The following GRIA3 variants were observed in gnomAD, a reference collection of about 807,000 sequenced individuals.
The protein encoded by GRIA3 is glutamate ionotropic receptor AMPA type subunit 3.
Under a neutral mutation model 63.0 loss-of-function variants are expected in GRIA3, and 3 were observed. The observed-to-expected ratio is 0.05, with a 90% CI of 0.02 to 0.12. The LOEUF (loss-of-function observed/expected upper bound fraction) is 0.12, where lower values mean the gene tolerates loss of function less well. GRIA3 is among the 10% of genes least tolerant of loss of function. The pLI is 1.00. For synonymous variants in GRIA3, 274 were observed against 257.9 expected (o/e 1.06, Z -0.60); for missense variants, 347 against 700.9 (o/e 0.50, Z 5.70).
chrX:123,366,491 G>T (rs927712757), intron 5 of GRIA3, among the ~76,000 whole-genome samples: 3 of 111,383 alleles, frequency 2.7e-5, no homozygotes, highest in Admixed American at 9.6e-5. Context: ...GTATGTCAAG[G>T]GCCATTTATA....
At chrX:123,245,094 C>G (rs894200987) in intron 2 of GRIA3, among the ~76,000 whole-genome samples, 2 of 111,870 alleles carry the variant, frequency 1.8e-5, no homozygotes, top group African/African-American at 3.3e-5. Context: ...GATACACGTA[C>G]CTTAGAGGCA....
At chrX:123,414,956 C>T (rs182608775) in intron 10 of GRIA3, among the ~76,000 whole-genome samples, 8 of 111,852 alleles carry the variant, frequency 7.2e-5, no homozygotes, top group African/African-American at 2.6e-4. Context: ...ATCACTGGGT[C>T]AAATGGTATT....
chrX:123,459,950 T>C (rs966924327), intron 12 of GRIA3, among the ~76,000 whole-genome samples: 2 of 111,664 alleles, frequency 1.8e-5, no homozygotes, highest in African/African-American at 6.5e-5. Flanking sequence ...TACTTATGAG[T>C]CATTTCTTTT....
At chrX:123,187,242 CT>C (rs1489513259) in intron 2 of GRIA3, among the ~76,000 whole-genome samples, 4 of 111,759 alleles carry the variant, frequency 3.6e-5, no homozygotes, top group Non-Finnish European at 5.6e-5. Flanking sequence ...GCACAGGTTT[CT>C]TGGCTTTGAA....
At chrX:123,407,690 G>GT (rs1569431868) in intron 10 of GRIA3, among the ~76,000 whole-genome samples, 1 of 72,864 alleles carries the variant, frequency 1.4e-5, no homozygotes, top group East Asian at 4.5e-4. Context: ...TGACTTGGTT[G>GT]CGGGGGGGGG....
At chrX:123,455,926 T>C (rs1464451674) in intron 12 of GRIA3, among the ~76,000 whole-genome samples, 1 of 111,832 alleles carries the variant, frequency 8.9e-6, no homozygotes, top group Non-Finnish European at 1.9e-5. Context: ...TGGCAAATCT[T>C]TGAATTTCTG....
In GRIA3 at chrX:123,304,380, T is replaced by C. The variant is rs113891832; in HGVS notation, c.509-21646T>C. On this transcript the variant is annotated intron_variant, in intron 3 of 15. Coordinates refer to ENST00000620443, the MANE Select transcript of GRIA3 (RefSeq NM_007325.5). ...ACATCTGTAAAATCAAAAGATTAAA[T>C]TAGATGATATCTAAGGTCCCTTTCA... is the stretch of plus-strand genomic sequence containing the variant. 3.1e-3 allele frequency among the ~76,000 whole-genome samples: 352 copies of C among 111,869 alleles called. 4 individuals are homozygous for C. Among genetic ancestry groups the C allele is most frequent in the African/African-American group, 0.011 (333 of 30,862 alleles).
chrX:123,260,836 C>T (rs868784567), intron 3 of GRIA3, among the ~76,000 whole-genome samples: 1 of 110,618 alleles, frequency 9.0e-6, no homozygotes, highest in Non-Finnish European at 1.9e-5. Flanking sequence ...GTTTCCACAG[C>T]CTGCCTAATC....
intron 3 of GRIA3, among the ~76,000 whole-genome samples, chrX:123,313,459 C>T (rs2044811250): frequency 9.0e-6 from 1 of 111,083 alleles, no homozygotes; most frequent in Admixed American, 9.5e-5. Flanking sequence ...TCTCAGCACT[C>T]CTGGAGGCAC....
intron 3 of GRIA3, among the ~76,000 whole-genome samples, chrX:123,296,641 T>C (rs2044688155): frequency 5.4e-5 from 6 of 111,560 alleles, no homozygotes. Flanking sequence ...TGGCAGTAAT[T>C]GGCATTACTA....
At position 123,404,929 on chromosome X, in the gene GRIA3, A is replaced by G; in HGVS notation, c.1500+15A>G. ...TTGTCTATGGGGTGAGTTTTTTCCA[A>G]TTCTGTTTTCATTTATTCTGTGCTT... On this transcript the variant is annotated intron_variant, in intron 10 of 15. Transcript: ENST00000620443. The G allele has an allele frequency of 9.1e-7, 1 of 1,097,378 alleles. No homozygotes were observed. Among genetic ancestry groups the G allele is most frequent in the Non-Finnish European group, 1.3e-6 (1 of 791,057 alleles). 90.4% of individuals were successfully genotyped at this position (1,097,378 alleles called of 1,213,427 possible). A position where few individuals can be genotyped will look rare whatever the true frequency, so the allele number is the denominator to read the frequency against.
intron 2 of GRIA3, among the ~76,000 whole-genome samples, chrX:123,189,327 G>A (rs765720519): frequency 8.9e-6 from 1 of 112,381 alleles, no homozygotes; most frequent in African/African-American, 3.2e-5. Flanking sequence ...TAAGTTACAT[G>A]TGTGTTTTTT....
chrX:123,226,947 TA>T (rs2044251012), intron 2 of GRIA3, among the ~76,000 whole-genome samples: 1 of 110,707 alleles, frequency 9.0e-6, no homozygotes, highest in Non-Finnish European at 1.9e-5. Context: ...ACACTTAGAA[TA>T]ATATTTATTT....
At chrX:123,415,258 A>G (rs1391809980) in intron 10 of GRIA3, among the ~76,000 whole-genome samples, 3 of 112,044 alleles carry the variant, frequency 2.7e-5, no homozygotes, top group African/African-American at 9.7e-5. Flanking sequence ...TCTAGGACCC[A>G]TACTTTAAGA....
intron 3 of GRIA3, among the ~76,000 whole-genome samples, chrX:123,286,705 C>G (rs1425809564): frequency 9.0e-6 from 1 of 111,600 alleles, no homozygotes; most frequent in Non-Finnish European, 1.9e-5. Context: ...CCTTCCAAGA[C>G]TAAACCAGGA....
intron 5 of GRIA3, among the ~76,000 whole-genome samples, chrX:123,382,189 C>A (rs1458241173): frequency 8.9e-6 from 1 of 112,032 alleles, no homozygotes; most frequent in East Asian, 2.8e-4. Flanking sequence ...TACCTTCTTT[C>A]TTTTTTCACC....
chrX:123,398,541 A>G, intron 6 of GRIA3, 95 bp from the exon 7 acceptor site: 5 of 702,155 alleles, frequency 7.1e-6, no homozygotes, highest in Non-Finnish European at 6.7e-6. Flanking sequence ...ACTGCATAGA[A>G]CAATAGGTAG....
At chrX:123,285,028 G>A (rs2044609014) in intron 3 of GRIA3, among the ~76,000 whole-genome samples, 1 of 111,783 alleles carries the variant, frequency 8.9e-6, no homozygotes, top group Non-Finnish European at 1.9e-5. Flanking sequence ...ACAAAGGGAA[G>A]CCCATCAGAC....
intron 2 of GRIA3, among the ~76,000 whole-genome samples, chrX:123,222,302 C>T (rs369827292): frequency 8.9e-6 from 1 of 112,381 alleles, no homozygotes; most frequent in African/African-American, 3.2e-5. Flanking sequence ...AATCAATGAA[C>T]TCTGTTTCTC....
Sources: allele counts gnomAD v4.1 joint callset (sites outside exome capture counted in the v4.1 genomes callset), GRCh38; gene constraint gnomAD v4.1.1; transcripts MANE v1.5; gene names NCBI Gene and HGNC (gene_info 2026-07-23, HGNC 2026-07-21).